GTF2F2: variants seen among roughly 807,000 people sequenced by gnomAD.
GTF2F2 encodes the protein ATP-dependent helicase GTF2F2.
Under a neutral mutation model 42.2 loss-of-function variants are expected in GTF2F2, and 23 were observed. The ratio of observed to expected loss-of-function variants is 0.55; its 90% CI spans 0.39 to 0.77. The LOEUF (loss-of-function observed/expected upper bound fraction) is 0.77, where lower values mean the gene tolerates loss of function less well. Among genes scored for constraint, GTF2F2 ranks in the 30% least tolerant of loss-of-function variants. The probability of loss-of-function intolerance (pLI) is 0.00; values close to 1 mark genes in which losing one functional copy is unlikely to be tolerated. For missense variants in GTF2F2, 261 were observed against 287.2 expected, an observed-to-expected ratio of 0.91 and a Z score of 0.66; for synonymous variants, 105 against 100.8, an observed-to-expected ratio of 1.04 and a Z score of -0.25.
chr13:45,203,551 C>G (rs1256513400), intron 4 of GTF2F2, among the ~76,000 whole-genome samples: 1 of 152,122 alleles, frequency 6.6e-6, no homozygotes, highest in African/African-American at 2.4e-5. Flanking sequence ...TACAACTTAA[C>G]TTTATATCAT....
At chr13:45,272,063 T>C (rs1876815752) in intron 7 of GTF2F2, among the ~76,000 whole-genome samples, 1 of 150,380 alleles carries the variant, frequency 6.6e-6, no homozygotes, top group Admixed American at 6.6e-5. Context: ...TGGAAATTTT[T>C]ATTTTTAAAT....
intron 4 of GTF2F2, among the ~76,000 whole-genome samples, chr13:45,165,398 G>A (rs1055823823): frequency 6.7e-5 from 10 of 148,678 alleles, no homozygotes; most frequent in African/African-American, 2.5e-4. Flanking sequence ...CACAATCTCA[G>A]CTTAATTTAA....
intron 4 of GTF2F2, among the ~76,000 whole-genome samples, chr13:45,160,337 T>G (rs1870974544): frequency 6.6e-6 from 1 of 152,212 alleles, no homozygotes; most frequent in Non-Finnish European, 1.5e-5. Flanking sequence ...GAGTAATTAG[T>G]AGCATTTTCA....
chr13:45,283,299 A>T (rs1267303293), intron 7 of GTF2F2, 143 bp from the exon 8 acceptor site: 2 of 570,142 alleles, frequency 3.5e-6, no homozygotes, highest in Admixed American at 3.8e-5. Flanking sequence ...CAGTTTATTG[A>T]ACCTCCTTAT....
chr13:45,203,163 A>G (rs1873275434), intron 4 of GTF2F2, among the ~76,000 whole-genome samples: 1 of 151,636 alleles, frequency 6.6e-6, no homozygotes, highest in Admixed American at 6.6e-5. Flanking sequence ...TGCAACCTCT[A>G]CCTACAGAGT....
At chr13:45,161,736 G>A (rs1175372430) in intron 4 of GTF2F2, among the ~76,000 whole-genome samples, 3 of 152,074 alleles carry the variant, frequency 2.0e-5, no homozygotes, top group African/African-American at 7.2e-5. Context: ...CCGCCTATTC[G>A]GGAGGCTGAG....
intron 7 of GTF2F2, among the ~76,000 whole-genome samples, chr13:45,279,822 T>C (rs1220617550): frequency 6.6e-6 from 1 of 152,138 alleles, no homozygotes; most frequent in Non-Finnish European, 1.5e-5. Context: ...GGCGAATCAC[T>C]TGAACCCAGT....
chr13:45,222,756 G>A (rs185804764), intron 5 of GTF2F2, among the ~76,000 whole-genome samples: 1 of 152,296 alleles, frequency 6.6e-6, no homozygotes, highest in Admixed American at 6.5e-5. Flanking sequence ...CCCTTGAGTT[G>A]TTCACTGTAG....
chr13:45,140,192 A>G (rs1178400792), intron 2 of GTF2F2, among the ~76,000 whole-genome samples: 1 of 148,378 alleles, frequency 6.7e-6, no homozygotes, highest in Non-Finnish European at 1.5e-5. Flanking sequence ...GGCTTAAGGG[A>G]TCCTCCCTCC....
chr13:45,173,343 A>AT (rs1026097723), intron 4 of GTF2F2, among the ~76,000 whole-genome samples: 3 of 146,994 alleles, frequency 2.0e-5, no homozygotes, highest in Admixed American at 2.0e-4. Flanking sequence ...TCCCATTCAG[A>AT]TTTCCCTAGT....
intron 7 of GTF2F2, 109 bp from the exon 8 acceptor site, chr13:45,283,333 G>T: frequency 1.0e-6 from 1 of 966,038 alleles, no homozygotes; most frequent in Non-Finnish European, 1.5e-6. Context: ...TGAGCTTTTA[G>T]GATCATAATT....
At position 45,282,986 on chromosome 13, in the gene GTF2F2, A is replaced by G. The variant is rs539560843; in HGVS notation, c.631-456A>G. Among the ~76,000 whole-genome samples, 55 of 152,296 alleles carry G rather than the reference A, an allele frequency of 3.6e-4. No individual in the cohort carries two copies. In the South Asian group the frequency reaches 0.011, roughly 31 times the overall value. On this transcript the variant is annotated intron_variant, in intron 7 of 7. Coordinates refer to ENST00000340473, the MANE Select transcript of GTF2F2 (RefSeq NM_004128.3). ...AATACCTGTCATATGCCTGCTTGATAGAATATTCTCAAAAATGTTGCTCAT... is the reference window on the plus strand; with the variant it reads ...AATACCTGTCATATGCCTGCTTGATGGAATATTCTCAAAAATGTTGCTCAT...
intron 5 of GTF2F2, among the ~76,000 whole-genome samples, chr13:45,209,560 G>A (rs1284379590): frequency 6.6e-6 from 1 of 152,134 alleles, no homozygotes; most frequent in Non-Finnish European, 1.5e-5. Context: ...AAGAGATGGG[G>A]TAAGAACATT....
At chr13:45,172,173 G>C (rs977250121) in intron 4 of GTF2F2, among the ~76,000 whole-genome samples, 2 of 152,188 alleles carry the variant, frequency 1.3e-5, no homozygotes, top group African/African-American at 4.8e-5. Flanking sequence ...ACCAACACTT[G>C]TTATTGTCTG....
intron 6 of GTF2F2, among the ~76,000 whole-genome samples, chr13:45,266,407 G>C (rs1876561929): frequency 6.6e-6 from 1 of 152,030 alleles, no homozygotes. Flanking sequence ...GGTTGCACAG[G>C]GTCAGGATGA....
chr13:45,189,055 T>TC (rs1566128445), intron 4 of GTF2F2, among the ~76,000 whole-genome samples: 1 of 151,920 alleles, frequency 6.6e-6, no homozygotes, highest in Non-Finnish European at 1.5e-5. Flanking sequence ...CCTCCCCGGC[T>TC]CCCCACCCCA....
In GTF2F2 at chr13:45,241,607, C is replaced by G. The variant is rs1020580722; in HGVS notation, c.387-11264C>G. Among the ~76,000 whole-genome samples, 24 of 152,184 alleles carry G rather than the reference C, an allele frequency of 1.6e-4. No individual in the cohort carries two copies. In the South Asian group the frequency reaches 2.5e-3, roughly 16 times the overall value. ...CTAGTGGCTACCATATTGGACAGTTCAAGTCAATAATGGAGTATTTTCCTT... is the reference window on the plus strand; with the variant it reads ...CTAGTGGCTACCATATTGGACAGTTGAAGTCAATAATGGAGTATTTTCCTT... On this transcript the variant is annotated intron_variant, in intron 5 of 7. Transcript: ENST00000340473.
chr13:45,151,910 GCTTT>G, intron 4 of GTF2F2, 79 bp downstream of exon 4: 1 of 286,174 alleles, frequency 3.5e-6, no homozygotes, highest in Non-Finnish European at 5.9e-6. Context: ...ACTCCTATTT[GCTTT>G]TTTTTTTTTT....
chr13:45,134,213 C>G (rs907213556), intron 1 of GTF2F2, among the ~76,000 whole-genome samples: 2 of 152,130 alleles, frequency 1.3e-5, no homozygotes, highest in African/African-American at 2.4e-5. Context: ...ACTACCCTTC[C>G]GCAAAGATGT....
Sources: allele counts gnomAD v4.1 joint callset (sites outside exome capture counted in the v4.1 genomes callset), GRCh38; gene constraint gnomAD v4.1.1; transcripts MANE v1.5; gene names NCBI Gene and HGNC (gene_info 2026-07-23, HGNC 2026-07-21).